Variants in TUBA3C observed in about 807,000 individuals in gnomAD.
TUBA3C encodes the protein tubulin alpha 3c.
TUBA3C carries 23 observed loss-of-function variants against 33.4 expected under a neutral mutation model. The observed-to-expected ratio is 0.69, with a 90% CI of 0.50 to 0.98. TUBA3C has a LOEUF of 0.98. Among genes scored for constraint, TUBA3C ranks in the 50% least tolerant of loss-of-function variants. TUBA3C has a pLI of 0.00. For missense variants in TUBA3C, 402 were observed against 616.0 expected, an observed-to-expected ratio of 0.65 and a Z score of 3.68; for synonymous variants, 269 against 250.4, an observed-to-expected ratio of 1.07 and a Z score of -0.70.
chr13:19,180,912 C>T (rs543607767), intron 1 of TUBA3C, among the ~76,000 whole-genome samples: 58 of 147,264 alleles, frequency 3.9e-4, no homozygotes, highest in African/African-American at 1.4e-3. Context: ...GAGCCGTGAT[C>T]GTGCAACTGT....
At chr13:19,179,280 C>CT in intron 2 of TUBA3C, 61 bp downstream of exon 2, 1 of 1,602,152 alleles carries the variant, frequency 6.2e-7, no homozygotes, top group Non-Finnish European at 8.5e-7. Context: ...CACATGGGGC[C>CT]TTACCGACGA....
At position 19,177,157 on chromosome 13, in the gene TUBA3C, T is replaced by C. The variant is rs766607929; in HGVS notation, c.826A>G (p.Ile276Val). The change falls in exon 4 of 5, where the codon ATC becomes GTC. Residue 276 changes from isoleucine to valine, a missense_variant. Transcript: ENST00000400113. The surrounding 1 kb of genome is among the most constrained non-coding windows in gnomAD (Gnocchi z 5.0). ...HFPLATYAPV[I>V]SAEKAYHEQL... ...TCGTGGTAGGCCTTCTCGGCTGAGATGACCGGGGCGTAGGTGGCCAGGGGG... is the reference window on the plus strand; with the variant it reads ...TCGTGGTAGGCCTTCTCGGCTGAGACGACCGGGGCGTAGGTGGCCAGGGGG... The C allele has an allele frequency of 3.7e-6, 6 of 1,614,056 alleles. 1 individual carries two copies. In the Admixed American group the frequency reaches 1.0e-4, roughly 27 times the overall value.
chr13:19,178,148 C>CG, intron 3 of TUBA3C, 98 bp downstream of exon 3: 1 of 1,536,840 alleles, frequency 6.5e-7, no homozygotes, highest in East Asian at 2.3e-5. Flanking sequence ...ACCCAGCCAA[C>CG]GCACTGGTCT....
At chr13:19,175,335 T>G (rs895630338) in intron 4 of TUBA3C, among the ~76,000 whole-genome samples, 2 of 152,232 alleles carry the variant, frequency 1.3e-5, no homozygotes, top group African/African-American at 4.8e-5. Flanking sequence ...TGGCCTGGGT[T>G]TGCCTCAGAC....
intron 3 of TUBA3C, 36 bp downstream of exon 3, chr13:19,178,210 G>A: frequency 2.5e-6 from 4 of 1,612,420 alleles, no homozygotes; most frequent in Non-Finnish European, 3.4e-6. Context: ...ACCCTCCTGT[G>A]CAGGACAATG....
At chr13:19,181,654 A>C (rs1336543713) in intron 1 of TUBA3C, 91 bp downstream of exon 1, 13 of 1,579,310 alleles carry the variant, frequency 8.2e-6, no homozygotes, top group African/African-American at 2.7e-5. Context: ...CCTGGCCCGC[A>C]ACAGCATCCC....
chr13:19,174,310 C>T, intron 4 of TUBA3C, 151 bp from the exon 5 acceptor site: 1 of 1,240,246 alleles, frequency 8.1e-7, no homozygotes, highest in Non-Finnish European at 1.1e-6. Context: ...CTGTGCCAGG[C>T]AGGGTGACAG....
intron 2 of TUBA3C, 48 bp downstream of exon 2, chr13:19,179,293 C>T: frequency 1.2e-6 from 2 of 1,608,002 alleles, no homozygotes; most frequent in Non-Finnish European, 1.7e-6. Context: ...ACCGACGATG[C>T]TCTCCCACCC....
At position 19,174,014 on chromosome 13, in the gene TUBA3C, T is replaced by G; in HGVS notation, c.1202A>C (p.Lys401Thr). The G allele has an allele frequency of 6.2e-7, 1 of 1,613,132 alleles. No homozygotes were observed. The stretch of plus-strand genomic sequence containing the variant: ...CACGTACCAGTGCACAAAGGCCCGC[T>G]TGGCATACATGAGATCGAACTTATG... ...LDHKFDLMYA[K>T]RAFVHWYVGE... The change falls in exon 5 of 5, where the codon AAG becomes ACG. Residue 401 changes from lysine to threonine, a missense_variant. Transcript: ENST00000400113.
intron 1 of TUBA3C, among the ~76,000 whole-genome samples, chr13:19,180,140 A>T (rs1869351154): frequency 6.6e-6 from 1 of 152,168 alleles, no homozygotes; most frequent in Non-Finnish European, 1.5e-5. Flanking sequence ...AATGACAGGC[A>T]GCCGCAGGAG....
At chr13:19,174,372 G>A (rs772207107) in intron 4 of TUBA3C, among the ~76,000 whole-genome samples, 26 of 151,722 alleles carry the variant, frequency 1.7e-4, no homozygotes, top group Non-Finnish European at 2.5e-4. Context: ...GGGCCCAATC[G>A]ATCCACCCAC....
In TUBA3C at chr13:19,178,276, G is replaced by A. The variant is rs552346334; in HGVS notation, c.345C>T (p.Val115=). Residue 115 remains valine (V), a synonymous_variant, in exon 3 of 5, where the codon GTC becomes GTT. Coordinates refer to ENST00000400113, the MANE Select transcript of TUBA3C (RefSeq NM_006001.3). The part of the protein sequence containing the change: ...RGHYTIGKEI[V]DLVLDRIRKL... ...TGCGGATCCGGTCCAGGACCAGGTC[G>A]ACGATCTCCTTGCCGATGGTGTAAT... 49 of 1,614,046 alleles carry A rather than the reference G, an allele frequency of 3.0e-5. No homozygotes were observed. Among genetic ancestry groups the A allele is most frequent in the African/African-American group, 2.7e-4 (20 of 74,918 alleles).
At position 19,177,868 on chromosome 13, in the gene TUBA3C, A is replaced by C. The variant is rs1555229638; in HGVS notation, c.376-261T>G. Among the ~76,000 whole-genome samples, 1 of 119,394 alleles carries C rather than the reference A, an allele frequency of 8.4e-6. No homozygotes were observed. The highest frequency in any genetic ancestry group is 3.0e-5 in the African/African-American group (1 of 33,272). 78.3% of individuals were successfully genotyped at this position (119,394 alleles called of 152,430 possible). A position where few individuals can be genotyped will look rare whatever the true frequency, so the allele number is the denominator to read the frequency against. On this transcript the variant is annotated intron_variant, in intron 3 of 4. Coordinates refer to ENST00000400113, the MANE Select transcript of TUBA3C (RefSeq NM_006001.3). This position sits in a 1 kb window ranked among gnomAD's most constrained non-coding sequence, Gnocchi z 5.0. ...GTTGTTTTTTTTTTTTTTTTTTTAGATAGAATCTCACTCTGTTGCCCAGGC... is the reference window on the plus strand; with the variant it reads ...GTTGTTTTTTTTTTTTTTTTTTTAGCTAGAATCTCACTCTGTTGCCCAGGC...
rs759865966 is a variant in TUBA3C at position 19,177,557 on chromosome 13, C to T, written c.426G>A (p.Gly142=). Residue 142 remains glycine, a synonymous_variant, in exon 4 of 5, where the codon GGG becomes GGA. Transcript: ENST00000400113. The surrounding 1 kb of genome is among the most constrained non-coding windows in gnomAD (Gnocchi z 5.0). ...LQGFLIFHSF[G]GGTGSGFASL... ...ATGCGAACCCAGAGCCAGTGCCACC[C>T]CCAAAACTGTGGAAGATGAGGAAGC... 27 of 1,611,234 alleles carry T rather than the reference C, an allele frequency of 1.7e-5. 1 individual carries two copies. The South Asian group carries it at 2.9e-4, about 17-fold the overall frequency.
intron 1 of TUBA3C, among the ~76,000 whole-genome samples, chr13:19,180,648 A>C (rs933251720): frequency 2.6e-5 from 4 of 151,900 alleles, no homozygotes; most frequent in Non-Finnish European, 5.9e-5. Flanking sequence ...ACTACAGGCC[A>C]CTATGCCCAA....
chr13:19,177,179 G>A lies in TUBA3C; in HGVS notation c.804C>T (p.Pro268=), dbSNP rs1869222324. The A allele has an allele frequency of 6.2e-7, 1 of 1,614,010 alleles. No homozygotes were observed. The highest frequency in any genetic ancestry group is 8.5e-7 in the Non-Finnish European group (1 of 1,180,044). Residue 268 remains proline (P), a synonymous_variant, in exon 4 of 5, where the codon CCC becomes CCT. Transcript: ENST00000400113. The surrounding 1 kb of genome is among the most constrained non-coding windows in gnomAD (Gnocchi z 5.0). The stretch of plus-strand genomic sequence containing the variant: ...AGATGACCGGGGCGTAGGTGGCCAG[G>A]GGGAAGTGGATGCGGGGGTACGGCA... ...NLVPYPRIHF[P]LATYAPVISA... is the part of the protein sequence containing the mutation.
rs895055259 is a variant in TUBA3C at position 19,181,814 on chromosome 13, C to A, written c.-67G>T. 5 of 1,586,496 alleles carry A rather than the reference C, an allele frequency of 3.2e-6. No individual in the cohort carries two copies. Among genetic ancestry groups the A allele is most frequent in the Non-Finnish European group, 4.3e-6 (5 of 1,170,264 alleles). Reference sequence around the variant, plus strand: ...CCTCAACCGCCGCTGCAGCTGCGCACGCCCAACGACAGCCTCCCGCCGTGC... The same window carrying A: ...CCTCAACCGCCGCTGCAGCTGCGCAAGCCCAACGACAGCCTCCCGCCGTGC... On this transcript the variant is annotated 5_prime_UTR_variant, in exon 1 of 5. Transcript: ENST00000400113.
chr13:19,180,716 C>A (rs184587574), intron 1 of TUBA3C, among the ~76,000 whole-genome samples: 3 of 151,948 alleles, frequency 2.0e-5, no homozygotes. Context: ...AGGATGGTCT[C>A]GATCTCCTGA....
At chr13:19,179,619 A>G in intron 1 of TUBA3C, 56 bp from the exon 2 acceptor site, 1 of 1,562,092 alleles carries the variant, frequency 6.4e-7, no homozygotes, top group Non-Finnish European at 8.7e-7. Flanking sequence ...TTGAAGCTAT[A>G]TGGTATGCAA....
Sources: gnomAD v4.1 joint callset for allele counts (sites outside exome capture counted in the v4.1 genomes callset) on GRCh38, gnomAD v4.1.1 for gene constraint, Gnocchi (gnomAD v3.1) non-coding constraint, MANE v1.5 for transcripts, NCBI Gene and HGNC (gene_info 2026-07-23, HGNC 2026-07-21) for gene names.